Variants in WDR25 observed in about 807,000 individuals in gnomAD.
WDR25 encodes WD repeat-containing protein 25.
In WDR25, 35 loss-of-function variants were observed where a neutral mutation model predicts 47.7. The ratio of observed to expected loss-of-function variants is 0.73; its 90% CI spans 0.56 to 0.97. The LOEUF (loss-of-function observed/expected upper bound fraction) is 0.97. Ranked by LOEUF, WDR25 falls within the 50% of genes least tolerant of loss-of-function variation. The probability of loss-of-function intolerance (pLI) is 0.00; values close to 1 mark genes in which losing one functional copy is unlikely to be tolerated. For synonymous variants in WDR25, 248 were observed against 278.9 expected, an observed-to-expected ratio of 0.89 and a Z score of 1.10; for missense variants, 634 against 704.7, an observed-to-expected ratio of 0.90 and a Z score of 1.14.
At position 100,392,302 on chromosome 14, in the gene WDR25, A is replaced by C. The variant is rs1897162393; in HGVS notation, c.822+10556A>C. On this transcript the variant is annotated intron_variant, in intron 2 of 6. Transcript: ENST00000402312. This position sits in a 1 kb window ranked among gnomAD's most constrained non-coding sequence, Gnocchi z 4.2. ...GGAATCTCACTATTGTGTTGGTAAA[A>C]ACGTCAGCACATCCTAGTTCTGGGA... Among the ~76,000 whole-genome samples, 1 of 151,768 alleles carries C rather than the reference A, an allele frequency of 6.6e-6. No homozygotes were observed. The highest frequency in any genetic ancestry group is 6.6e-5 in the Admixed American group (1 of 15,234).
At chr14:100,389,883 G>A (rs1897101552) in intron 2 of WDR25, among the ~76,000 whole-genome samples, 1 of 152,186 alleles carries the variant, frequency 6.6e-6, no homozygotes, top group African/African-American at 2.4e-5. Context: ...ACAGAGATGA[G>A]CGGCACCCTC....
At chr14:100,510,795 G>T (rs1311205423) in intron 4 of WDR25, among the ~76,000 whole-genome samples, 1 of 143,668 alleles carries the variant, frequency 7.0e-6, no homozygotes, top group African/African-American at 2.9e-5. Context: ...TAGAGACAGG[G>T]TCTCGCCATG....
chr14:100,515,325 T>C (rs1007433865), intron 4 of WDR25, among the ~76,000 whole-genome samples: 2 of 152,204 alleles, frequency 1.3e-5, no homozygotes, highest in Non-Finnish European at 2.9e-5. Flanking sequence ...TTTTCAATTT[T>C]GTTTGTCCCC....
At chr14:100,382,206 G>A (rs1896920698) in intron 2 of WDR25, 2 of 702,858 alleles carry the variant, frequency 2.8e-6, no homozygotes, top group African/African-American at 1.7e-5. Flanking sequence ...GGGAGCCGTG[G>A]ACAAGTACAC....
At chr14:100,452,029 C>T (rs1899050210) in intron 2 of WDR25, among the ~76,000 whole-genome samples, 1 of 152,198 alleles carries the variant, frequency 6.6e-6, no homozygotes, top group African/African-American at 2.4e-5. Context: ...TATCCATCCT[C>T]CATTAATCAC....
chr14:100,400,411 G>A (rs1897350738), intron 2 of WDR25, among the ~76,000 whole-genome samples: 1 of 152,246 alleles, frequency 6.6e-6, no homozygotes, highest in Non-Finnish European at 1.5e-5. Flanking sequence ...CTCAGGCCCA[G>A]CTTGTTGGCA....
At chr14:100,454,390 G>C in intron 2 of WDR25, 2 of 1,287,258 alleles carry the variant, frequency 1.6e-6, no homozygotes, top group Non-Finnish European at 2.0e-6. Context: ...TGAGGAGGTG[G>C]GGTGAAGTGT....
chr14:100,507,904 G>A (rs1411025746), intron 4 of WDR25, among the ~76,000 whole-genome samples: 1 of 151,856 alleles, frequency 6.6e-6, no homozygotes, highest in East Asian at 1.9e-4. Context: ...CTATCTCAAT[G>A]CCCTTTATTT....
chr14:100,529,626 C>T lies in WDR25; in HGVS notation c.1414-194C>T, dbSNP rs2030376335. 1 of 650,328 alleles carries T rather than the reference C, an allele frequency of 1.5e-6. No homozygotes were observed. The highest frequency in any genetic ancestry group is 1.9e-5 in the South Asian group (1 of 51,446). The allele number at this position is 650,328 out of a possible 1,614,324, so 40.3% of individuals were successfully genotyped here. Reference sequence around the variant, plus strand: ...GGTCCCGCTGGATCTGCTGAACTGGCCTTGGGATGTGGGCCCGCATCAGGG... The same window carrying T: ...GGTCCCGCTGGATCTGCTGAACTGGTCTTGGGATGTGGGCCCGCATCAGGG... On this transcript the variant is annotated intron_variant, in intron 6 of 6. Coordinates refer to ENST00000402312, the MANE Select transcript of WDR25 (RefSeq NM_001161476.3). The surrounding 1 kb of genome is among the most constrained non-coding windows in gnomAD (Gnocchi z 5.1).
chr14:100,382,596 G>C (rs547978898), intron 2 of WDR25, among the ~76,000 whole-genome samples: 1 of 152,178 alleles, frequency 6.6e-6, no homozygotes, highest in African/African-American at 2.4e-5. Flanking sequence ...CAGTATGGAG[G>C]TACAGTGTGA....
At chr14:100,377,962 A>G (rs965383415) in intron 1 of WDR25, among the ~76,000 whole-genome samples, 1 of 151,994 alleles carries the variant, frequency 6.6e-6, no homozygotes, top group African/African-American at 2.4e-5. Flanking sequence ...GGTTGGGTGC[A>G]CTGGGTTTTC....
chr14:100,418,630 C>T (rs1017571709), intron 2 of WDR25, among the ~76,000 whole-genome samples: 8 of 130,214 alleles, frequency 6.1e-5, no homozygotes, highest in African/African-American at 1.3e-4. Flanking sequence ...AGCGAGACTC[C>T]GTCTCAAAAA....
In WDR25 at chr14:100,436,742, G is replaced by A. The variant is rs114896315; in HGVS notation, c.823-31279G>A. On this transcript the variant is annotated intron_variant, in intron 2 of 6. Transcript: ENST00000402312. ...GCCATGTCATTGGGTCCTTCCTGGGGTTGGGTTTCACCTAGGAACATCTGG... is the reference window on the plus strand; with the variant it reads ...GCCATGTCATTGGGTCCTTCCTGGGATTGGGTTTCACCTAGGAACATCTGG... Among the ~76,000 whole-genome samples the A allele has an allele frequency of 7.0e-3, 1,073 of 152,270 alleles. 14 individuals are homozygous for A. Among genetic ancestry groups the A allele is most frequent in the African/African-American group, 0.024 (1,017 of 41,558 alleles).
chr14:100,462,024 T>C (rs1899432006), intron 2 of WDR25, among the ~76,000 whole-genome samples: 1 of 152,086 alleles, frequency 6.6e-6, no homozygotes. Flanking sequence ...TGCACTTCTG[T>C]ATAGTTTGAA....
intron 4 of WDR25, among the ~76,000 whole-genome samples, chr14:100,493,174 C>T (rs1466422126): frequency 6.6e-6 from 1 of 152,158 alleles, no homozygotes; most frequent in Non-Finnish European, 1.5e-5. Context: ...CTCACTCATT[C>T]ACTCATTCAC....
chr14:100,518,614 G>A (rs1901588057), intron 4 of WDR25, among the ~76,000 whole-genome samples: 1 of 152,142 alleles, frequency 6.6e-6, no homozygotes, highest in Admixed American at 6.5e-5. Context: ...TTGATGGCCA[G>A]CTGCGGTGGC....
At chr14:100,427,190 C>G (rs1249162803) in intron 2 of WDR25, among the ~76,000 whole-genome samples, 1 of 152,104 alleles carries the variant, frequency 6.6e-6, no homozygotes, top group East Asian at 1.9e-4. Context: ...TGTCCTCTGC[C>G]TGGGACATTC....
intron 2 of WDR25, among the ~76,000 whole-genome samples, chr14:100,439,876 G>A (rs189031578): frequency 3.7e-4 from 57 of 152,368 alleles, no homozygotes; most frequent in African/African-American, 1.3e-3. Context: ...GCATGCTGCA[G>A]TGGATGGGAG....
intron 2 of WDR25, among the ~76,000 whole-genome samples, chr14:100,457,431 A>C (rs1474601630): frequency 6.6e-5 from 10 of 152,254 alleles, no homozygotes; most frequent in Admixed American, 6.5e-4. Context: ...AGCCAAAACC[A>C]AAACCACTGT....
Sources: allele counts gnomAD v4.1 joint callset (sites outside exome capture counted in the v4.1 genomes callset), GRCh38; gene constraint gnomAD v4.1.1; non-coding constraint Gnocchi (gnomAD v3.1); transcripts MANE v1.5; gene names NCBI Gene and HGNC (gene_info 2026-07-23, HGNC 2026-07-21).